The following SECISBP2 variants were observed in gnomAD, a reference collection of about 807,000 sequenced individuals.
The protein encoded by SECISBP2 is SECIS binding protein 2.
SECISBP2 carries 96 observed loss-of-function variants against 98.2 expected under a neutral mutation model. The ratio of observed to expected loss-of-function variants is 0.98; its 90% CI spans 0.83 to 1.16. The LOEUF (loss-of-function observed/expected upper bound fraction) is 1.16. Among genes scored for constraint, SECISBP2 ranks in the 50% most tolerant of loss-of-function variants. The probability of loss-of-function intolerance (pLI) is 0.00; values close to 1 mark genes in which losing one functional copy is unlikely to be tolerated. For synonymous variants in SECISBP2, 407 were observed against 370.2 expected (o/e 1.10, Z -1.14); for missense variants, 1,046 against 1,022.9 (o/e 1.02, Z -0.31).
intron 4 of SECISBP2, 85 bp downstream of exon 4, chr9:89,326,123 T>C: frequency 6.6e-7 from 1 of 1,523,740 alleles, no homozygotes; most frequent in Non-Finnish European, 9.0e-7. Context: ...GCTGTTTCTA[T>C]GGGCTTGTTC....
intron 2 of SECISBP2, among the ~76,000 whole-genome samples, chr9:89,320,558 CTG>C (rs1448730562): frequency 6.6e-6 from 1 of 152,090 alleles, no homozygotes; most frequent in African/African-American, 2.4e-5. Context: ...ATAGCTGCCT[CTG>C]TGTGGATAAT....
At chr9:89,362,436 A>G (rs774234804), downstream of SECISBP2, 6 of 1,613,908 alleles carry the variant, frequency 3.7e-6, no homozygotes, top group African/African-American at 8.0e-5. Context: ...TTCCTGAAAG[A>G]ACAATGTGGT....
downstream of SECISBP2, chr9:89,363,525 C>A: frequency 3.7e-6 from 6 of 1,614,072 alleles, no homozygotes; most frequent in Non-Finnish European, 5.1e-6. Context: ...TGGTGGGTCA[C>A]TTCTGGAAAA....
rs575576263 is a variant in SECISBP2, at chr9:89,359,046, C to G, written c.*222C>G. On this transcript the variant is annotated 3_prime_UTR_variant, in exon 17 of 17. Coordinates refer to ENST00000375807, the MANE Select transcript of SECISBP2 (RefSeq NM_024077.5). ...TGCAGGTGTTAATCTTCTCTAAAAG[C>G]CTGGTGATACAGCTCTGGCTTTCTG... is the stretch of plus-strand genomic sequence containing the variant. 8.2e-5 allele frequency: 46 copies of G among 557,968 alleles called. No individual in the cohort carries two copies. In the African/African-American group the frequency reaches 8.7e-4, roughly 11 times the overall value. The allele number at this position is 557,968 out of a possible 1,614,324, so 34.6% of individuals were successfully genotyped here.
At chr9:89,366,327 C>A in the SECISBP2 span, among the ~76,000 whole-genome samples, 1 of 151,896 alleles carries the variant, frequency 6.6e-6, no homozygotes, top group African/African-American at 2.4e-5. Context: ...CCTGGAGTTT[C>A]CAAACTTATA....
intron 2 of SECISBP2, chr9:89,324,133 C>G (rs1166439033): frequency 2.0e-5 from 3 of 152,134 alleles, no homozygotes; most frequent in Non-Finnish European, 2.9e-5. Flanking sequence ...TTCAGTGACA[C>G]TTGCCCCCCA....
intron 2 of SECISBP2, among the ~76,000 whole-genome samples, chr9:89,321,871 T>C (rs1825868828): frequency 6.6e-6 from 1 of 152,166 alleles, no homozygotes; most frequent in African/African-American, 2.4e-5. Context: ...AGTTCTAATA[T>C]AGATTAAAAA....
At position 89,325,409 on chromosome 9, in the gene SECISBP2, T is replaced by C. The variant is rs550276253; in HGVS notation, c.183-18T>C. ...TGCAGTATGAAATCTGCAACTAAAGTTTACACTTTTTACTTAGGCAGAAAA... is the reference window on the plus strand; with the variant it reads ...TGCAGTATGAAATCTGCAACTAAAGCTTACACTTTTTACTTAGGCAGAAAA... On this transcript the variant is annotated intron_variant, in intron 2 of 16. Transcript: ENST00000375807. 1.2e-6 allele frequency: 2 copies of C among 1,612,928 alleles called. No individual in the cohort carries two copies. The highest frequency in any genetic ancestry group is 1.7e-6 in the Non-Finnish European group (2 of 1,179,544).
Position 89,355,325 on chromosome 9 carries a change from G to A in SECISBP2, c.2114-2086G>A, listed in dbSNP as rs565045778. 38 of 985,392 alleles carry A rather than the reference G, an allele frequency of 3.9e-5. No homozygotes were observed. In the African/African-American group the frequency reaches 6.5e-4, roughly 17 times the overall value. 61.0% of individuals were successfully genotyped at this position (985,392 alleles called of 1,614,324 possible). A position where few individuals can be genotyped will look rare whatever the true frequency, so the allele number is the denominator to read the frequency against. On this transcript the variant is annotated intron_variant, in intron 14 of 16. Coordinates refer to ENST00000375807, the MANE Select transcript of SECISBP2 (RefSeq NM_024077.5). The stretch of plus-strand genomic sequence containing the variant: ...ACAATGCTGTGTGCCTTGGTAACTC[G>A]AAAGCATATGCTGTGCCTTCCTCCA...
At chr9:89,352,815 G>A (rs1475749259) in intron 14 of SECISBP2, among the ~76,000 whole-genome samples, 1 of 150,748 alleles carries the variant, frequency 6.6e-6, no homozygotes, top group Non-Finnish European at 1.5e-5. Flanking sequence ...TTTTTTGGGA[G>A]CTGTTTTTGT....
chr9:89,351,710 G>A (rs2132006769), intron 14 of SECISBP2, among the ~76,000 whole-genome samples: 1 of 152,316 alleles, frequency 6.6e-6, no homozygotes, highest in African/African-American at 2.4e-5. Context: ...ACATGTCCGA[G>A]GCCCCCAGCC....
chr9:89,334,742 T>G lies in SECISBP2; in HGVS notation c.1089+12T>G. The G allele has an allele frequency of 6.2e-7, 1 of 1,600,558 alleles. No individual in the cohort carries two copies. On this transcript the variant is annotated intron_variant, in intron 7 of 16. Coordinates refer to ENST00000375807, the MANE Select transcript of SECISBP2 (RefSeq NM_024077.5). The stretch of plus-strand genomic sequence containing the variant: ...ATCCTACCCAAAAGGTACGTGTCAC[T>G]AGAGACAGAAAGTAGGATGGTGGTT...
At chr9:89,328,298 A>G (rs1047994499) in intron 4 of SECISBP2, among the ~76,000 whole-genome samples, 3 of 152,222 alleles carry the variant, frequency 2.0e-5, no homozygotes, top group African/African-American at 7.2e-5. Context: ...TAATCGCACC[A>G]TGACATTACC....
chr9:89,357,030 C>T (rs1173275303), intron 14 of SECISBP2: 3 of 335,648 alleles, frequency 8.9e-6, no homozygotes, highest in Non-Finnish European at 1.2e-5. Context: ...ACCTGTGCCT[C>T]GACCAGGGGT....
chr9:89,347,128 A>AT, intron 11 of SECISBP2, 80 bp downstream of exon 11: 3 of 1,446,308 alleles, frequency 2.1e-6, no homozygotes, highest in Non-Finnish European at 2.9e-6. Context: ...CAGCTCTTAG[A>AT]TTTTTAGATT....
At chr9:89,358,258 C>T (rs1832406854) in intron 16 of SECISBP2, 67 bp downstream of exon 16, 2 of 1,496,230 alleles carry the variant, frequency 1.3e-6, no homozygotes, top group Non-Finnish European at 1.8e-6. Context: ...AATTAGGAGT[C>T]CCTAGGTGAG....
At chr9:89,343,430 A>G (rs1272076216) in intron 10 of SECISBP2, among the ~76,000 whole-genome samples, 1 of 152,002 alleles carries the variant, frequency 6.6e-6, no homozygotes, top group African/African-American at 2.4e-5. Flanking sequence ...GGTTTGTTGT[A>G]CAGATTATTT....
chr9:89,333,662 C>G (rs1008815204), intron 6 of SECISBP2, among the ~76,000 whole-genome samples: 2 of 152,222 alleles, frequency 1.3e-5, no homozygotes, highest in Admixed American at 1.3e-4. Context: ...TAGACACCTG[C>G]AAGGGTCATG....
At chr9:89,344,108 G>A (rs140939521) in intron 10 of SECISBP2, among the ~76,000 whole-genome samples, 1 of 152,108 alleles carries the variant, frequency 6.6e-6, no homozygotes, top group African/African-American at 2.4e-5. Context: ...TGTTGGCCAC[G>A]TGTATGTCTC....
Sources: allele counts gnomAD v4.1 joint callset (sites outside exome capture counted in the v4.1 genomes callset), GRCh38; gene constraint gnomAD v4.1.1; transcripts MANE v1.5; gene names NCBI Gene and HGNC (gene_info 2026-07-23, HGNC 2026-07-21).